The following TMEM50A variants were observed in gnomAD, a reference collection of about 807,000 sequenced individuals.
TMEM50A encodes transmembrane protein 50A.
A neutral mutation model predicts 23.9 loss-of-function variants in TMEM50A; 8 were observed. The ratio of observed to expected loss-of-function variants is 0.33; its 90% confidence interval spans 0.20 to 0.60. The LOEUF is 0.60. Ranked by LOEUF, TMEM50A falls within the 20% of genes least tolerant of loss-of-function variation. TMEM50A has a pLI of 0.81. For missense variants in TMEM50A, 178 were observed against 192.7 expected, an observed-to-expected ratio of 0.92 and a Z score of 0.45; for synonymous variants, 55 against 60.4, an observed-to-expected ratio of 0.91 and a Z score of 0.41.
intron 1 of TMEM50A, among the ~76,000 whole-genome samples, chr1:25,338,975 G>A (rs879163018): frequency 6.6e-6 from 1 of 152,232 alleles, no homozygotes; most frequent in African/African-American, 2.4e-5. Context: ...TTGAATTGCA[G>A]TTCTTCCCGG....
At chr1:25,359,774 G>A (rs957355533) in intron 6 of TMEM50A, among the ~76,000 whole-genome samples, 3 of 152,016 alleles carry the variant, frequency 2.0e-5, no homozygotes, top group East Asian at 1.9e-4. Flanking sequence ...TCATCATCCC[G>A]CTAGGTCTTG....
rs928551865 is a variant in TMEM50A at position 25,361,025 on chromosome 1, T to C, written c.*320T>C. The stretch of plus-strand genomic sequence containing the variant: ...GATTTGTCAATGTAAGTATTTGTCA[T>C]ATCTGAGGTCCAAAACCACAATGAA... On this transcript the variant is annotated 3_prime_UTR_variant, in exon 7 of 7. Coordinates refer to ENST00000374358, the MANE Select transcript of TMEM50A (RefSeq NM_014313.4). 4.1e-6 allele frequency: 1 copy of C among 241,376 alleles called. No homozygotes were observed. Among genetic ancestry groups the C allele is most frequent in the Non-Finnish European group, 8.1e-6 (1 of 123,156 alleles). 15.0% of individuals were successfully genotyped at this position (241,376 alleles called of 1,614,324 possible). A position where few individuals can be genotyped will look rare whatever the true frequency, so the allele number is the denominator to read the frequency against.
At position 25,355,109 on chromosome 1, in the gene TMEM50A, G is replaced by A. The variant is rs1645321172; in HGVS notation, c.368-1684G>A. 5.3e-5 allele frequency among the ~76,000 whole-genome samples: 8 copies of A among 152,112 alleles called. No individual in the cohort carries two copies. In the South Asian group the frequency reaches 1.7e-3, roughly 32 times the overall value. ...TAAAATGTATATATTTTGAGTTTGAGACCAGTCTGGCTAACATGGCAAAAC... is the reference window on the plus strand; with the variant it reads ...TAAAATGTATATATTTTGAGTTTGAAACCAGTCTGGCTAACATGGCAAAAC... On this transcript the variant is annotated intron_variant, in intron 5 of 6. Transcript: ENST00000374358.
Position 25,362,143 on chromosome 1 carries a change from G to A in TMEM50A, c.*1438G>A, listed in dbSNP as rs989285259. On this transcript the variant is annotated 3_prime_UTR_variant, in exon 7 of 7. Transcript: ENST00000374358. ...ATTCCCACAAGGACTAAGTATCAGT[G>A]ATTTGTAATTTTCCTGTTTTGTATT... 2 of 371,196 alleles carry A rather than the reference G, an allele frequency of 5.4e-6. No homozygotes were observed. The highest frequency in any genetic ancestry group is 2.5e-5 in the South Asian group (1 of 39,402). The allele number at this position is 371,196 out of a possible 1,614,324, so 23.0% of individuals were successfully genotyped here. A position where few individuals can be genotyped will look rare whatever the true frequency, so the allele number is the denominator to read the frequency against.
In TMEM50A at chr1:25,362,348, G is replaced by C; in HGVS notation, c.*1643G>C. The C allele has an allele frequency of 7.4e-7, 1 of 1,354,864 alleles. No homozygotes were observed. Among genetic ancestry groups the C allele is most frequent in the Non-Finnish European group, 1.0e-6 (1 of 983,292 alleles). 83.9% of individuals were successfully genotyped at this position (1,354,864 alleles called of 1,614,324 possible). The stretch of plus-strand genomic sequence containing the variant: ...ACATTTATTTTAAACTTATTAAATT[G>C]ACTCTTAAACTAAGTTTTTAGTCTT... On this transcript the variant is annotated 3_prime_UTR_variant, in exon 7 of 7. Transcript: ENST00000374358.
intron 3 of TMEM50A, 62 bp downstream of exon 3, chr1:25,343,135 T>G: frequency 7.9e-7 from 1 of 1,266,928 alleles, no homozygotes; most frequent in Non-Finnish European, 1.1e-6. Context: ...ATGTTTCAAA[T>G]ATAGTTGCAT....
chr1:25,340,136 A>G (rs1165981962), intron 1 of TMEM50A, among the ~76,000 whole-genome samples: 1 of 151,994 alleles, frequency 6.6e-6, no homozygotes, highest in African/African-American at 2.4e-5. Context: ...GGGGTTTGCC[A>G]TGTTGGCCAG....
chr1:25,343,001 T>C lies in TMEM50A; in HGVS notation c.134T>C (p.Ile45Thr), dbSNP rs770415955. ...TGGATTATCATAGATGCAGCTGTTA[T>C]TTATCCCACCATGAAAGATTTCAAC... is the stretch of plus-strand genomic sequence containing the variant. ...GWWIIIDAAV[I>T]YPTMKDFNHS... The change falls in exon 3 of 7, where the codon ATT becomes ACT. Residue 45 changes from isoleucine to threonine, a missense_variant. Physicochemically the swap from Ile to Thr is moderately conservative, Grantham distance 89 (BLOSUM62 -1). Coordinates refer to ENST00000374358, the MANE Select transcript of TMEM50A (RefSeq NM_014313.4). 1.9e-6 allele frequency: 3 copies of C among 1,613,706 alleles called. No individual in the cohort carries two copies. The highest frequency in any genetic ancestry group is 1.7e-5 in the Admixed American group (1 of 59,946).
chr1:25,340,778 G>C (rs1429157037), intron 2 of TMEM50A, among the ~76,000 whole-genome samples, 199 bp downstream of exon 2: 1 of 152,098 alleles, frequency 6.6e-6, no homozygotes, highest in Admixed American at 6.6e-5. Flanking sequence ...ACAAGTGGTT[G>C]GGTTGTTTTA....
At chr1:25,359,733 G>A (rs1645375063) in intron 6 of TMEM50A, among the ~76,000 whole-genome samples, 1 of 151,916 alleles carries the variant, frequency 6.6e-6, no homozygotes, top group African/African-American at 2.4e-5. Context: ...CCCCTTTGAT[G>A]TACTGTTTCC....
chr1:25,354,313 A>G (rs537920023), intron 5 of TMEM50A, among the ~76,000 whole-genome samples: 1 of 152,294 alleles, frequency 6.6e-6, no homozygotes, highest in African/African-American at 2.4e-5. Flanking sequence ...TATTAAAATC[A>G]TGTTACCAAA....
chr1:25,347,547 CTT>C (rs1354807203), intron 3 of TMEM50A, among the ~76,000 whole-genome samples: 1 of 152,126 alleles, frequency 6.6e-6, no homozygotes, highest in Admixed American at 6.6e-5. Context: ...CTTCTGTAGA[CTT>C]TTAATTTAGG....
At chr1:25,350,928 G>A (rs1025355984) in intron 3 of TMEM50A, among the ~76,000 whole-genome samples, 28 of 151,544 alleles carry the variant, frequency 1.8e-4, no homozygotes, top group Admixed American at 5.9e-4. Context: ...TTGGGAGGCC[G>A]AGGCGGGCGG....
At chr1:25,350,852 C>T (rs2124251791) in intron 3 of TMEM50A, among the ~76,000 whole-genome samples, 1 of 152,198 alleles carries the variant, frequency 6.6e-6, no homozygotes, top group South Asian at 2.1e-4. Context: ...TAGCCTGGGG[C>T]CCATGACCAC....
At chr1:25,352,217 C>G (rs1389699911) in intron 4 of TMEM50A, among the ~76,000 whole-genome samples, 1 of 152,038 alleles carries the variant, frequency 6.6e-6, no homozygotes. Flanking sequence ...TGGGAGCGGC[C>G]GGGCACAGTG....
At chr1:25,341,381 C>G (rs939464895) in intron 2 of TMEM50A, among the ~76,000 whole-genome samples, 5 of 152,134 alleles carry the variant, frequency 3.3e-5, no homozygotes, top group African/African-American at 1.2e-4. Context: ...GCTTCAGCCT[C>G]CCGAGTAGCT....
At position 25,361,470 on chromosome 1, in the gene TMEM50A, C is replaced by G. The variant is rs918505954; in HGVS notation, c.*765C>G. 1 of 152,300 alleles carries G rather than the reference C, an allele frequency of 6.6e-6. No homozygotes were observed. The highest frequency in any genetic ancestry group is 2.4e-5 in the African/African-American group (1 of 41,466). 9.4% of individuals were successfully genotyped at this position (152,300 alleles called of 1,614,324 possible). A position where few individuals can be genotyped will look rare whatever the true frequency, so the allele number is the denominator to read the frequency against. ...TCCAGTCTTAGACAGGGGACAATTT[C>G]TTTGTAGTTGTTCTGATAATAAACT... On this transcript the variant is annotated 3_prime_UTR_variant, in exon 7 of 7. Coordinates refer to ENST00000374358, the MANE Select transcript of TMEM50A (RefSeq NM_014313.4).
chr1:25,353,499 C>G (rs1222542249), intron 5 of TMEM50A, among the ~76,000 whole-genome samples: 1 of 152,190 alleles, frequency 6.6e-6, no homozygotes, highest in East Asian at 1.9e-4. Flanking sequence ...TAAGGCTGGC[C>G]TTGAACTCCT....
At chr1:25,345,635 A>T (rs1393819390) in intron 3 of TMEM50A, among the ~76,000 whole-genome samples, 1 of 151,118 alleles carries the variant, frequency 6.6e-6, no homozygotes, top group Non-Finnish European at 1.5e-5. Flanking sequence ...AGTCCCAGCT[A>T]CTCGGGAGCC....
Sources: allele counts gnomAD v4.1 joint callset (sites outside exome capture counted in the v4.1 genomes callset), GRCh38; gene constraint gnomAD v4.1.1; transcripts MANE v1.5; gene names NCBI Gene and HGNC (gene_info 2026-07-23, HGNC 2026-07-21).